PCDH20: variants seen among roughly 807,000 people sequenced by gnomAD.
PCDH20 encodes protocadherin-20.
In PCDH20, 18 loss-of-function variants were observed where a neutral mutation model predicts 39.7. The ratio of observed to expected loss-of-function variants is 0.45; its 90% CI spans 0.31 to 0.67. The LOEUF is 0.67. Among genes scored for constraint, PCDH20 ranks in the 30% least tolerant of loss-of-function variants. PCDH20 has a pLI of 0.05. For missense variants in PCDH20, 1,161 were observed against 1,167.4 expected (o/e 0.99, Z 0.08); for synonymous variants, 495 against 455.4 (o/e 1.09, Z -1.11).
chr13:61,411,377 C>T (rs1288327111), exon 2 of PCDH20: 3 of 1,613,890 alleles, frequency 1.9e-6, no homozygotes, highest in Non-Finnish European at 2.5e-6. Context: ...ATGTATATGC[C>T]CATCCCTGTG....
At position 61,415,293 on chromosome 13, in the gene PCDH20, G is replaced by A. The variant is rs187387056; in HGVS notation, c.-135C>T. The A allele has an allele frequency of 2.6e-3, 2,930 of 1,116,950 alleles. 11 individuals are homozygous for A. Among genetic ancestry groups the A allele is most frequent in the Non-Finnish European group, 3.0e-3 (2,549 of 862,008 alleles). The allele number at this position is 1,116,950 out of a possible 1,614,324, so 69.2% of individuals were successfully genotyped here. ...TCAATTAAGGACGGGAACTCAAAGA[G>A]TGGCAGAAAGGCAAGAGGGCAGAAG... On this transcript the variant is annotated 5_prime_UTR_variant, in exon 1 of 2. Transcript: ENST00000409204.
exon 2 of PCDH20, chr13:61,412,769 G>A: frequency 6.2e-7 from 1 of 1,614,132 alleles, no homozygotes. Flanking sequence ...ACGGGTTCCA[G>A]TTCTTTCAGA....
At chr13:61,414,055 TC>T in intron 1 of PCDH20, 89 bp from the exon 2 acceptor site, 1 of 1,198,458 alleles carries the variant, frequency 8.3e-7, no homozygotes, top group Non-Finnish European at 1.1e-6. Context: ...ATCCTTGCTG[TC>T]CCCATCCCCG....
intron 1 of PCDH20, among the ~76,000 whole-genome samples, chr13:61,414,590 A>G (rs1411156237): frequency 1.3e-5 from 2 of 152,152 alleles, no homozygotes; most frequent in African/African-American, 4.8e-5. Context: ...CACATCTGAA[A>G]TCAAACCGAA....
chr13:61,412,363 G>A lies in PCDH20; in HGVS notation c.1736C>T (p.Pro579Leu), dbSNP rs892001324. 1 of 1,614,132 alleles carries A rather than the reference G, an allele frequency of 6.2e-7. No homozygotes were observed. Among genetic ancestry groups the A allele is most frequent in the Non-Finnish European group, 8.5e-7 (1 of 1,180,006 alleles). ...GACACTGTCTAAGGAAAAATATGAT[G>A]GAGCATCAGGTCCCAGAAAATATGA... Residue 579 changes from proline (P) to leucine (L), a missense_variant, in exon 2 of 2, where the codon CCA (proline) becomes CTA (leucine). Physicochemically the swap from Pro to Leu is moderately conservative, Grantham distance 98. Coordinates refer to ENST00000409204, the Ensembl canonical transcript of PCDH20.
chr13:61,413,874 T>A, exon 2 of PCDH20: 1 of 1,613,448 alleles, frequency 6.2e-7, no homozygotes. Flanking sequence ...CCGCGGGTAG[T>A]CCCTCGTTTA....
chr13:61,413,693 G>A, exon 2 of PCDH20: 1 of 1,614,022 alleles, frequency 6.2e-7, no homozygotes, highest in Non-Finnish European at 8.5e-7. Flanking sequence ...TCCCCAGAGC[G>A]GTTGTCTAGG....
chr13:61,412,844 C>T, exon 2 of PCDH20: 1 of 1,613,960 alleles, frequency 6.2e-7, no homozygotes, highest in Non-Finnish European at 8.5e-7. Flanking sequence ...CTGAAAATAA[C>T]TTTAATAATG....
intron 1 of PCDH20, 136 bp from the exon 2 acceptor site, chr13:61,414,102 G>A (rs1209494078): frequency 7.8e-6 from 6 of 771,988 alleles, no homozygotes; most frequent in African/African-American, 1.8e-5. Context: ...GAACGGGGGC[G>A]GAGAAGAACC....
intron 1 of PCDH20, among the ~76,000 whole-genome samples, chr13:61,414,331 CAGGGT>C (rs1338886527): frequency 6.6e-6 from 1 of 151,952 alleles, no homozygotes; most frequent in Non-Finnish European, 1.5e-5. Context: ...CACGGAAACC[CAGGGT>C]AGGTGATGGG....
chr13:61,412,739 A>C, exon 2 of PCDH20: 2 of 1,614,212 alleles, frequency 1.2e-6, no homozygotes, highest in Non-Finnish European at 1.7e-6. Flanking sequence ...CTTATGGTGA[A>C]AAACGCAATG....
rs146205980 is a variant in PCDH20, at chr13:61,413,508, G to A, written c.591C>T (p.Ile197=). ...CGTTGTCATTGATGTCTCTGATGGCGATCTTCACCTTCACAAACCTGAAGT... is the reference window on the plus strand; with the variant it reads ...CGTTGTCATTGATGTCTCTGATGGCAATCTTCACCTTCACAAACCTGAAGT... The change falls in exon 2 of 2, where the codon ATC becomes ATT. Residue 197 remains isoleucine, a synonymous_variant. Coordinates refer to ENST00000409204, the Ensembl canonical transcript of PCDH20. The A allele has an allele frequency of 1.7e-5, 28 of 1,613,762 alleles. No individual in the cohort carries two copies. The African/African-American group carries it at 3.6e-4, about 21-fold the overall frequency.
exon 2 of PCDH20, chr13:61,412,566 G>A: frequency 1.2e-6 from 2 of 1,614,106 alleles, no homozygotes; most frequent in Non-Finnish European, 1.7e-6. Context: ...ATCCCTCAGA[G>A]TTCCAAGCCA....
chr13:61,412,909 G>C (rs913938312), exon 2 of PCDH20: 2 of 1,614,018 alleles, frequency 1.2e-6, no homozygotes, highest in Non-Finnish European at 1.7e-6. Context: ...AGCAAGGATG[G>C]TGAGCTTGTG....
In PCDH20 at chr13:61,414,039, C is replaced by T. The variant is rs540548190; in HGVS notation, c.133-73G>A. 95 of 1,337,576 alleles carry T rather than the reference C, an allele frequency of 7.1e-5. No individual in the cohort carries two copies. The South Asian group carries it at 9.1e-4, about 13-fold the overall frequency. The allele number at this position is 1,337,576 out of a possible 1,614,324, so 82.9% of individuals were successfully genotyped here. On this transcript the variant is annotated intron_variant, in intron 1 of 1. Coordinates refer to ENST00000409204, the Ensembl canonical transcript of PCDH20. ...GGGGTCCGAGAGAGAAACTAGCGCC[C>T]CTGTGATCCTTGCTGTCCCCATCCC...
exon 2 of PCDH20, chr13:61,411,638 G>A (rs764124435): frequency 3.7e-6 from 6 of 1,614,096 alleles, no homozygotes; most frequent in Middle Eastern, 1.6e-4. Flanking sequence ...ACTTTCACCA[G>A]TAAGCGATGG....
At chr13:61,411,751 C>T in exon 2 of PCDH20, 1 of 1,614,176 alleles carries the variant, frequency 6.2e-7, no homozygotes, top group Non-Finnish European at 8.5e-7. Context: ...CCCTATGATG[C>T]TGTAAGCTAT....
chr13:61,413,381 C>A, exon 2 of PCDH20: 1 of 1,614,072 alleles, frequency 6.2e-7, no homozygotes, highest in Non-Finnish European at 8.5e-7. Flanking sequence ...CCATTAATGC[C>A]TACATCTGGG....
intron 1 of PCDH20, among the ~76,000 whole-genome samples, chr13:61,414,513 C>T (rs1201721297): frequency 2.6e-5 from 4 of 151,970 alleles, no homozygotes; most frequent in African/African-American, 9.7e-5. Flanking sequence ...GAAAAAATAC[C>T]AACACTTCCT....
Sources: gnomAD v4.1 joint callset for allele counts (sites outside exome capture counted in the v4.1 genomes callset) on GRCh38, gnomAD v4.1.1 for gene constraint, MANE v1.5 for transcripts, NCBI Gene and HGNC (gene_info 2026-07-23, HGNC 2026-07-21) for gene names.